LINGO2: variants seen among roughly 807,000 people sequenced by gnomAD.
The protein encoded by LINGO2 is leucine-rich repeat and immunoglobulin-like domain-containing nogo receptor-interacting protein 2.
In LINGO2, 14 loss-of-function variants were observed where a neutral mutation model predicts 30.6. That is an observed-to-expected ratio of 0.46 (90% CI 0.30 to 0.72). LINGO2 has a LOEUF of 0.72. LINGO2 is among the 30% of genes least tolerant of loss of function. The pLI, the probability that LINGO2 is intolerant of heterozygous loss-of-function variation, is 0.07. For synonymous variants in LINGO2, 317 were observed against 288.5 expected, an observed-to-expected ratio of 1.10 and a Z score of -1.00; for missense variants, 729 against 751.7, an observed-to-expected ratio of 0.97 and a Z score of 0.35.
At chr9:28,753,636 A>T in the LINGO2 span, among the ~76,000 whole-genome samples, 4 of 152,062 alleles carry the variant, frequency 2.6e-5, no homozygotes, top group Admixed American at 6.5e-5. Context: ...AAGAAAGTAA[A>T]TATGGTGTCA....
the LINGO2 span, among the ~76,000 whole-genome samples, chr9:29,189,904 C>G: frequency 1.2e-3 from 184 of 147,458 alleles, 3 homozygotes; most frequent in African/African-American, 4.8e-3. Flanking sequence ...CGCAGGCACT[C>G]AGCAGGCTGA....
chr9:28,386,878 T>C (rs1485459798), intron 2 of LINGO2, among the ~76,000 whole-genome samples: 1 of 152,218 alleles, frequency 6.6e-6, no homozygotes, highest in Non-Finnish European at 1.5e-5. Context: ...TCAAGCAGTA[T>C]TGTGTCTACA....
chr9:28,815,846 C>A, the LINGO2 span, among the ~76,000 whole-genome samples: 3 of 152,200 alleles, frequency 2.0e-5, no homozygotes, highest in Admixed American at 6.5e-5. Context: ...ATTAAATCCC[C>A]ACCTTAGTCT....
In LINGO2 at chr9:28,578,717, C is replaced by T. The variant is rs147245723; in HGVS notation, c.-365+91483G>A. On this transcript the variant is annotated intron_variant, in intron 1 of 5. Coordinates refer to ENST00000379992, the Ensembl canonical transcript of LINGO2. ...CTTCACTCTACGTACAAAGATCAAGCTTTGCCTTCCCTAGGTTTTTGGTGA... is the reference window on the plus strand; with the variant it reads ...CTTCACTCTACGTACAAAGATCAAGTTTTGCCTTCCCTAGGTTTTTGGTGA... 2.4e-3 allele frequency among the ~76,000 whole-genome samples: 370 copies of T among 152,232 alleles called. 2 individuals are homozygous for T. The highest frequency in any genetic ancestry group is 8.5e-3 in the African/African-American group (352 of 41,554).
At chr9:28,367,575 T>C (rs1291844668) in intron 3 of LINGO2, among the ~76,000 whole-genome samples, 6 of 152,138 alleles carry the variant, frequency 3.9e-5, no homozygotes, top group Non-Finnish European at 8.8e-5. Context: ...CTCCATGGAA[T>C]TCTAGCTTTC....
At chr9:28,657,411 A>T (rs1480578130) in intron 1 of LINGO2, among the ~76,000 whole-genome samples, 2 of 151,886 alleles carry the variant, frequency 1.3e-5, no homozygotes, top group Non-Finnish European at 2.9e-5. Flanking sequence ...GAAGGTTTTG[A>T]TTACACATTT....
intron 4 of LINGO2, among the ~76,000 whole-genome samples, chr9:28,159,963 C>A (rs1420848687): frequency 6.6e-6 from 1 of 152,048 alleles, no homozygotes; most frequent in East Asian, 1.9e-4. Context: ...AATCCTAACC[C>A]AAACTCATTA....
At chr9:28,753,973 A>C in the LINGO2 span, among the ~76,000 whole-genome samples, 1 of 151,398 alleles carries the variant, frequency 6.6e-6, no homozygotes, top group Non-Finnish European at 1.5e-5. Context: ...ATTTTTTTCC[A>C]CTTTAATTTT....
Position 28,341,130 on chromosome 9 carries a change from G to A in LINGO2, c.-246+31706C>T, listed in dbSNP as rs916765735. On this transcript the variant is annotated intron_variant, in intron 3 of 5. Coordinates refer to ENST00000379992, the Ensembl canonical transcript of LINGO2. ...GACTAAGTGAAAAAACAAGTTTTCC[G>A]TTGATATAAATCTTTAACCAATTCA... Among the ~76,000 whole-genome samples, 8 of 152,128 alleles carry A rather than the reference G, an allele frequency of 5.3e-5. No homozygotes were observed. In the East Asian group the frequency reaches 1.2e-3, roughly 22 times the overall value.
chr9:28,756,862 C>CT, the LINGO2 span, among the ~76,000 whole-genome samples: 37 of 150,100 alleles, frequency 2.5e-4, no homozygotes, highest in South Asian at 6.3e-4. Flanking sequence ...AATTAAACCT[C>CT]TTTTTTTTTT....
chr9:28,256,313 T>C (rs747981960), intron 4 of LINGO2, among the ~76,000 whole-genome samples: 3 of 151,982 alleles, frequency 2.0e-5, no homozygotes, highest in Non-Finnish European at 4.4e-5. Flanking sequence ...CTTTTTTTCT[T>C]CTTAATATGC....
chr9:29,085,943 T>C, the LINGO2 span, among the ~76,000 whole-genome samples: 2 of 152,270 alleles, frequency 1.3e-5, no homozygotes, highest in African/African-American at 4.8e-5. Context: ...CAAATCCGTC[T>C]TATCATAGCT....
rs189713718 is a variant in LINGO2 at position 27,951,342 on chromosome 9, T to C, written c.-35-636A>G. ...TTTAATTTATGAAGGGATTTTCTTATTTGAGGCAGACAAAAGATCCTCAAA... is the reference window on the plus strand; with the variant it reads ...TTTAATTTATGAAGGGATTTTCTTACTTGAGGCAGACAAAAGATCCTCAAA... On this transcript the variant is annotated intron_variant, in intron 5 of 5. Coordinates refer to ENST00000379992, the Ensembl canonical transcript of LINGO2. Among the ~76,000 whole-genome samples, 15 of 152,350 alleles carry C rather than the reference T, an allele frequency of 9.8e-5. No homozygotes were observed. The East Asian group carries it at 2.7e-3, about 27-fold the overall frequency.
rs148136659 is a variant in LINGO2 at position 27,999,531 on chromosome 9, T to C, written c.-36+12824A>G. 5.2e-3 allele frequency among the ~76,000 whole-genome samples: 786 copies of C among 152,054 alleles called. 11 individuals carry two copies. The highest frequency in any genetic ancestry group is 0.018 in the African/African-American group (752 of 41,494). ...TATGTAGGGAGTGTGATAGACCTTA[T>C]ATATAAAGGATACTCATTGGGCTTT... On this transcript the variant is annotated intron_variant, in intron 5 of 5. Transcript: ENST00000379992.
chr9:28,099,207 A>G (rs773921202), intron 4 of LINGO2, among the ~76,000 whole-genome samples: 2 of 152,150 alleles, frequency 1.3e-5, no homozygotes, highest in Non-Finnish European at 2.9e-5. Flanking sequence ...TAAAAGCCAT[A>G]GCCCCTATTG....
intron 4 of LINGO2, among the ~76,000 whole-genome samples, chr9:28,241,588 C>A (rs1406800737): frequency 6.6e-6 from 1 of 152,052 alleles, no homozygotes; most frequent in Non-Finnish European, 1.5e-5. Flanking sequence ...AGTAGGTTTA[C>A]CCCCAGTGTA....
chr9:28,277,613 G>A (rs562045183), intron 4 of LINGO2, among the ~76,000 whole-genome samples: 1 of 152,154 alleles, frequency 6.6e-6, no homozygotes, highest in East Asian at 1.9e-4. Context: ...AGACCAGCCT[G>A]GCCAACATGG....
chr9:28,374,208 A>T (rs200791726), intron 2 of LINGO2, among the ~76,000 whole-genome samples: 1 of 118,140 alleles, frequency 8.5e-6, no homozygotes, highest in Non-Finnish European at 1.9e-5. Flanking sequence ...ATATGTTTTT[A>T]TTTATATATA....
At chr9:29,152,194 G>C in the LINGO2 span, among the ~76,000 whole-genome samples, 1 of 152,104 alleles carries the variant, frequency 6.6e-6, no homozygotes, top group Non-Finnish European at 1.5e-5. Context: ...AGAGAAAAGG[G>C]AACACTTATA....
Sources: allele counts gnomAD v4.1 joint callset (sites outside exome capture counted in the v4.1 genomes callset), GRCh38; gene constraint gnomAD v4.1.1; transcripts MANE v1.5; gene names NCBI Gene and HGNC (gene_info 2026-07-23, HGNC 2026-07-21).